Variants in CAPZA2 observed in about 807,000 individuals in gnomAD.
The protein encoded by CAPZA2 is F-actin-capping protein subunit alpha-2.
Under a neutral mutation model 44.0 loss-of-function variants are expected in CAPZA2, and 13 were observed. That is an observed-to-expected ratio of 0.30 (90% CI 0.19 to 0.47). CAPZA2 has a LOEUF of 0.47. Ranked by LOEUF, CAPZA2 falls within the 20% of genes least tolerant of loss-of-function variation. The probability of loss-of-function intolerance (pLI) is 1.00; values close to 1 mark genes in which losing one functional copy is unlikely to be tolerated. For missense variants in CAPZA2, 244 were observed against 338.6 expected (o/e 0.72, Z 2.19); for synonymous variants, 94 against 108.2 (o/e 0.87, Z 0.81).
At chr7:116,880,830 C>T (rs1225496716) in intron 1 of CAPZA2, among the ~76,000 whole-genome samples, 1 of 148,448 alleles carries the variant, frequency 6.7e-6, no homozygotes, top group Non-Finnish European at 1.5e-5. Context: ...GCCTCAGCCT[C>T]CTGAGTAGCT....
At chr7:116,911,041 A>C (rs1197724304) in intron 7 of CAPZA2, among the ~76,000 whole-genome samples, 1 of 150,368 alleles carries the variant, frequency 6.7e-6, no homozygotes, top group African/African-American at 2.5e-5. Context: ...AGATTTAGTT[A>C]ATATGGCTAA....
intron 1 of CAPZA2, among the ~76,000 whole-genome samples, chr7:116,879,493 G>A (rs1484829277): frequency 5.3e-5 from 8 of 152,084 alleles, no homozygotes; most frequent in African/African-American, 1.9e-4. Flanking sequence ...GATGGATGGG[G>A]GAATGTTTTG....
At chr7:116,893,654 G>A (rs911071930) in intron 3 of CAPZA2, among the ~76,000 whole-genome samples, 1 of 152,142 alleles carries the variant, frequency 6.6e-6, no homozygotes, top group South Asian at 2.1e-4. Context: ...AGAAATTGTG[G>A]TTGCTACCAT....
chr7:116,909,973 A>G (rs753885552), intron 6 of CAPZA2: 1 of 444,036 alleles, frequency 2.3e-6, no homozygotes, highest in Middle Eastern at 7.0e-4. Flanking sequence ...CCTGAATTGT[A>G]TTTTAAGCCT....
At chr7:116,874,405 T>C (rs1796593833) in intron 1 of CAPZA2, 1 of 152,674 alleles carries the variant, frequency 6.5e-6, no homozygotes, top group Non-Finnish European at 1.5e-5. Flanking sequence ...CACCAGTTAG[T>C]ATCACTTGCC....
At chr7:116,881,712 C>G (rs1796705501) in intron 1 of CAPZA2, among the ~76,000 whole-genome samples, 1 of 136,128 alleles carries the variant, frequency 7.3e-6, no homozygotes, top group Non-Finnish European at 1.5e-5. Flanking sequence ...GCACTCCAGC[C>G]TGGGCAGCAG....
At position 116,920,856 on chromosome 7, in the gene CAPZA2, G is replaced by C. The variant is rs555451296; in HGVS notation, c.*2989G>C. On this transcript the variant is annotated 3_prime_UTR_variant, in exon 10 of 10. Transcript: ENST00000361183. ...CATGGCTGTATGTTTTTCTTCAACC[G>C]TGTAAAGCTGTTTGGGTGCAGGCAT... The C allele has an allele frequency of 6.6e-6, 1 of 152,254 alleles. No individual in the cohort carries two copies. The highest frequency in any genetic ancestry group is 2.4e-5 in the African/African-American group (1 of 41,448). 9.4% of individuals were successfully genotyped at this position (152,254 alleles called of 1,614,324 possible).
chr7:116,880,029 A>G (rs1796671511), intron 1 of CAPZA2: 1 of 452,874 alleles, frequency 2.2e-6, no homozygotes, highest in African/African-American at 2.1e-5. Context: ...GTATATAGGC[A>G]GTTTCTCCCG....
chr7:116,906,179 A>G, intron 5 of CAPZA2, 84 bp from the exon 6 acceptor site: 1 of 1,544,436 alleles, frequency 6.5e-7, no homozygotes, highest in Non-Finnish European at 8.7e-7. Flanking sequence ...AGTACTGTAC[A>G]ATTTGCAGTA....
At chr7:116,880,068 C>CT in intron 1 of CAPZA2, 1 of 467,094 alleles carries the variant, frequency 2.1e-6, no homozygotes, top group Non-Finnish European at 4.4e-6. Context: ...TCTTCCCAGA[C>CT]TAAGTCAGTG....
At chr7:116,914,954 C>T (rs961326761) in intron 8 of CAPZA2, among the ~76,000 whole-genome samples, 1 of 151,996 alleles carries the variant, frequency 6.6e-6, no homozygotes, top group South Asian at 2.1e-4. Flanking sequence ...GGTATGGTGC[C>T]GTCTTGTTTG....
chr7:116,904,145 ATTT>A, intron 4 of CAPZA2, 29 bp from the exon 5 acceptor site: 1 of 1,381,698 alleles, frequency 7.2e-7, no homozygotes, highest in Non-Finnish European at 1.0e-6. Flanking sequence ...CTGTTTTTTT[ATTT>A]TTTTTCTAAA....
At chr7:116,901,881 ATGTGTG>A (rs1554410805) in intron 4 of CAPZA2, among the ~76,000 whole-genome samples, 211 of 140,898 alleles carry the variant, frequency 1.5e-3, no homozygotes, top group African/African-American at 4.9e-3. Context: ...TAACGAAGAA[ATGTGTG>A]TGTGTGTGTG....
Position 116,904,345 on chromosome 7 carries a change from G to T in CAPZA2, c.388G>T (p.Ala130Ser), listed in dbSNP as rs565970603. The change falls in exon 5 of 10, where the codon GCT (alanine) becomes TCT (serine). Residue 130 changes from alanine to serine, a missense_variant. Ala to Ser is a moderately conservative substitution (Grantham distance 99). Coordinates refer to ENST00000361183, the MANE Select transcript of CAPZA2 (RefSeq NM_006136.3). The stretch of plus-strand genomic sequence containing the variant: ...AACTTCAGTAGAAACTGCTCTGAGA[G>T]CTTACGTAAAAGAACATTACCCGAA... ...WRTSVETALR[A>S]YVKEHYPNGV... is the part of the protein sequence containing the mutation. 1 of 1,613,624 alleles carries T rather than the reference G, an allele frequency of 6.2e-7. No individual in the cohort carries two copies. Among genetic ancestry groups the T allele is most frequent in the South Asian group, 1.1e-5 (1 of 91,072 alleles).
chr7:116,908,096 GA>G (rs562535745), intron 6 of CAPZA2, among the ~76,000 whole-genome samples: 340 of 140,296 alleles, frequency 2.4e-3, no homozygotes, highest in African/African-American at 3.9e-3. Flanking sequence ...CCATCTCTAG[GA>G]AAAAAAAAAA....
intron 4 of CAPZA2, among the ~76,000 whole-genome samples, chr7:116,901,877 AG>A (rs1256381336): frequency 2.1e-5 from 2 of 94,948 alleles, no homozygotes; most frequent in East Asian, 6.9e-4. Flanking sequence ...GAAATAACGA[AG>A]AAATGTGTGT....
intron 1 of CAPZA2, among the ~76,000 whole-genome samples, chr7:116,880,696 CTTTTTTTTTTTTTTTTTTTTTTTTT>C (rs557434747): frequency 8.1e-5 from 2 of 24,686 alleles, no homozygotes; most frequent in African/African-American, 1.3e-4. Flanking sequence ...TGTAACCTGC[CTTTTTTTTTTTTTTTTTTTTTTTTT>C]TTTTTTTTTT....
intron 1 of CAPZA2, chr7:116,873,860 A>T (rs1315565017): frequency 6.5e-6 from 1 of 153,350 alleles, no homozygotes; most frequent in Non-Finnish European, 1.5e-5. Flanking sequence ...TGAGAAAGGT[A>T]CATTCTGTAC....
chr7:116,876,457 A>G lies in CAPZA2; in HGVS notation c.40-11670A>G, dbSNP rs751991628. 7.2e-5 allele frequency: 11 copies of G among 152,350 alleles called. 1 individual carries two copies. Among genetic ancestry groups the G allele is most frequent in the South Asian group, 4.1e-4 (2 of 4,828 alleles). The allele number at this position is 152,350 out of a possible 1,614,324, so 9.4% of individuals were successfully genotyped here. On this transcript the variant is annotated intron_variant, in intron 1 of 9. Coordinates refer to ENST00000361183, the MANE Select transcript of CAPZA2 (RefSeq NM_006136.3). ...CACATCCATTGGCTGATAGGAAACTAGATAATCACACTTGTAAATTTATGT... is the reference window on the plus strand; with the variant it reads ...CACATCCATTGGCTGATAGGAAACTGGATAATCACACTTGTAAATTTATGT...
Sources: gnomAD v4.1 joint callset for allele counts (sites outside exome capture counted in the v4.1 genomes callset) on GRCh38, gnomAD v4.1.1 for gene constraint, MANE v1.5 for transcripts, NCBI Gene and HGNC (gene_info 2026-07-23, HGNC 2026-07-21) for gene names.